TMEM272: variants seen among roughly 807,000 people sequenced by gnomAD.
The protein encoded by TMEM272 is transmembrane protein 272.
TMEM272 carries 8 observed loss-of-function variants against 3.7 expected under a neutral mutation model. The observed-to-expected ratio is 2.17, with a 90% CI of 1.27 to 3.91. TMEM272 has a LOEUF of 3.91. TMEM272 is among the 30% of genes most tolerant of loss of function. The probability of loss-of-function intolerance (pLI) is 0.00; values close to 1 mark genes in which losing one functional copy is unlikely to be tolerated. For missense variants in TMEM272, 166 were observed against 91.5 expected, an observed-to-expected ratio of 1.81 and a Z score of -3.32; for synonymous variants, 63 against 39.8, an observed-to-expected ratio of 1.58 and a Z score of -2.20.
the TMEM272 span, among the ~76,000 whole-genome samples, chr13:51,859,815 A>G: frequency 6.6e-6 from 1 of 152,198 alleles, no homozygotes; most frequent in African/African-American, 2.4e-5. Flanking sequence ...TTTTTGAGGC[A>G]TAAAGAAACA....
At chr13:51,901,615 T>G in the TMEM272 span, among the ~76,000 whole-genome samples, 1 of 152,164 alleles carries the variant, frequency 6.6e-6, no homozygotes, top group East Asian at 1.9e-4. Context: ...GGACACATCT[T>G]CAGTGTCTCT....
chr13:51,819,114 G>C (rs563289697), intron 4 of TMEM272, among the ~76,000 whole-genome samples: 10 of 152,318 alleles, frequency 6.6e-5, no homozygotes, highest in Admixed American at 5.2e-4. Flanking sequence ...ACCCACAGTA[G>C]AGCTGACTCA....
chr13:51,908,341 G>A, the TMEM272 span: 2 of 1,441,080 alleles, frequency 1.4e-6, no homozygotes, highest in Admixed American at 1.7e-5. Context: ...GGTCTTGGGG[G>A]AAGGTAAGGA....
At chr13:51,821,214 T>C (rs1956075777) in intron 4 of TMEM272, among the ~76,000 whole-genome samples, 1 of 152,210 alleles carries the variant, frequency 6.6e-6, no homozygotes, top group Non-Finnish European at 1.5e-5. Context: ...TTTGTTTTTA[T>C]GAAACCATCT....
At chr13:51,843,550 TAGTC>T (rs1420498899) in intron 1 of TMEM272, among the ~76,000 whole-genome samples, 2 of 152,258 alleles carry the variant, frequency 1.3e-5, no homozygotes, top group Non-Finnish European at 1.5e-5. Context: ...ACACAGATTT[TAGTC>T]AATTTCTATA....
the TMEM272 span, among the ~76,000 whole-genome samples, chr13:51,889,931 A>G: frequency 6.6e-6 from 1 of 152,166 alleles, no homozygotes; most frequent in Non-Finnish European, 1.5e-5. Context: ...GTGAGCCACC[A>G]TGCCCAGCCA....
At chr13:51,882,242 A>T in the TMEM272 span, among the ~76,000 whole-genome samples, 3 of 152,200 alleles carry the variant, frequency 2.0e-5, no homozygotes, top group Non-Finnish European at 4.4e-5. Flanking sequence ...TGTTTTCAAT[A>T]ATTAATATAT....
the TMEM272 span, among the ~76,000 whole-genome samples, chr13:51,873,716 G>A: frequency 6.6e-6 from 1 of 152,164 alleles, no homozygotes; most frequent in African/African-American, 2.4e-5. Flanking sequence ...CATCCTTCAA[G>A]TATCAGCCTA....
At chr13:51,881,568 G>C in the TMEM272 span, among the ~76,000 whole-genome samples, 1 of 152,148 alleles carries the variant, frequency 6.6e-6, no homozygotes, top group Non-Finnish European at 1.5e-5. Flanking sequence ...ATGTATGTGA[G>C]CTCACAAAAC....
At chr13:51,861,570 A>C in the TMEM272 span, among the ~76,000 whole-genome samples, 1 of 152,210 alleles carries the variant, frequency 6.6e-6, no homozygotes, top group African/African-American at 2.4e-5. Context: ...GAAAGAAAAA[A>C]GAATGAAGAA....
the TMEM272 span, among the ~76,000 whole-genome samples, chr13:51,924,767 CAT>C: frequency 1.3e-5 from 2 of 152,182 alleles, no homozygotes; most frequent in Non-Finnish European, 2.9e-5. Flanking sequence ...ATACAACAAT[CAT>C]GCACCACCTG....
At chr13:51,867,491 A>C in the TMEM272 span, among the ~76,000 whole-genome samples, 1 of 152,096 alleles carries the variant, frequency 6.6e-6, no homozygotes, top group East Asian at 1.9e-4. Context: ...AGAGCTAGGG[A>C]GAGGAGAGGA....
At position 51,844,882 on chromosome 13, in the gene TMEM272, C is replaced by T. The variant is rs537333176; in HGVS notation, c.-24+134G>A. 3 of 152,362 alleles carry T rather than the reference C, an allele frequency of 2.0e-5. No homozygotes were observed. In the South Asian group the frequency reaches 6.2e-4, roughly 32 times the overall value. The allele number at this position is 152,362 out of a possible 1,614,324, so 9.4% of individuals were successfully genotyped here. On this transcript the variant is annotated intron_variant, in intron 1 of 4. Coordinates refer to ENST00000629372, the MANE Select transcript of TMEM272 (RefSeq NM_001351003.2). ...TCCCTCCACACAATTAAGAAAAGCA[C>T]TTCCACAATGTAGTCATTTTCTTTC...
intron 1 of TMEM272, among the ~76,000 whole-genome samples, chr13:51,843,803 C>G (rs541307992): frequency 3.3e-5 from 5 of 152,294 alleles, no homozygotes; most frequent in Non-Finnish European, 1.5e-5. Context: ...GCTGCTTCCT[C>G]TCCTAGCAGC....
At chr13:51,913,737 T>C in the TMEM272 span, among the ~76,000 whole-genome samples, 1 of 152,218 alleles carries the variant, frequency 6.6e-6, no homozygotes, top group Non-Finnish European at 1.5e-5. Flanking sequence ...CCTCATCTAT[T>C]AGCCTTTTCT....
At chr13:51,906,461 G>A in the TMEM272 span, among the ~76,000 whole-genome samples, 2 of 152,226 alleles carry the variant, frequency 1.3e-5, no homozygotes, top group East Asian at 3.8e-4. Flanking sequence ...ACAGGTGACT[G>A]TGAGAACAAG....
the TMEM272 span, among the ~76,000 whole-genome samples, chr13:51,884,995 A>G: frequency 2.7e-3 from 413 of 152,308 alleles, no homozygotes; most frequent in Middle Eastern, 0.01. Context: ...GGCACAGAAG[A>G]TGCTTTCGGG....
the TMEM272 span, chr13:51,909,608 G>T: frequency 7.8e-7 from 1 of 1,281,506 alleles, no homozygotes; most frequent in Non-Finnish European, 1.1e-6. Flanking sequence ...TCAGATAACT[G>T]AATATAAATT....
the TMEM272 span, among the ~76,000 whole-genome samples, chr13:51,900,078 C>T: frequency 6.6e-6 from 1 of 152,054 alleles, no homozygotes; most frequent in Non-Finnish European, 1.5e-5. Flanking sequence ...AATCTTTATA[C>T]CTTGAATTAG....
Sources: allele counts gnomAD v4.1 joint callset (sites outside exome capture counted in the v4.1 genomes callset), GRCh38; gene constraint gnomAD v4.1.1; transcripts MANE v1.5; gene names NCBI Gene and HGNC (gene_info 2026-07-23, HGNC 2026-07-21).